The following PLIN4 variants were observed in gnomAD, a reference collection of about 807,000 sequenced individuals.
The protein encoded by PLIN4 is perilipin 4.
Under a neutral mutation model 52.4 loss-of-function variants are expected in PLIN4, and 57 were observed. The ratio of observed to expected loss-of-function variants is 1.09; its 90% CI spans 0.88 to 1.36. The LOEUF (loss-of-function observed/expected upper bound fraction) is 1.36, where lower values mean the gene tolerates loss of function less well. Ranked by LOEUF, PLIN4 falls within the 40% of genes most tolerant of loss-of-function variation. PLIN4 has a pLI of 0.00. For missense variants in PLIN4, 1,757 were observed against 1,770.3 expected, an observed-to-expected ratio of 0.99 and a Z score of 0.13; for synonymous variants, 826 against 785.4, an observed-to-expected ratio of 1.05 and a Z score of -0.86.
chr19:4,509,008 C>T (rs1976191575), intron 5 of PLIN4, 53 bp from the exon 6 acceptor site: 2 of 1,531,180 alleles, frequency 1.3e-6, no homozygotes, highest in East Asian at 2.3e-5. Context: ...GGCATCAGGG[C>T]TTTATAAAAG....
At position 4,512,654 on chromosome 19, in the gene PLIN4, C is replaced by A. The variant is rs536634451; in HGVS notation, c.1306G>T (p.Val436Phe). 6.4e-7 allele frequency: 1 copy of A among 1,570,966 alleles called. No individual in the cohort carries two copies. Among genetic ancestry groups the A allele is most frequent in the Non-Finnish European group, 8.6e-7 (1 of 1,160,852 alleles). Residue 436 changes from valine (V) to phenylalanine (F), a missense_variant, in exon 5 of 8, where the codon GTC becomes TTC. Val to Phe is a conservative substitution (Grantham distance 50). This residue lies in a region of PLIN4 where 439 missense variants were observed against 406.4 expected (regional missense o/e 1.08). Coordinates refer to ENST00000301286, the MANE Select transcript of PLIN4 (RefSeq NM_001367868.2). Reference sequence around the variant, plus strand: ...ATGGCACCAGTCACCCCACTGCAGACGGTGTCCTTTGTACCTGTTGCGATA... The same window carrying A: ...ATGGCACCAGTCACCCCACTGCAGAAGGTGTCCTTTGTACCTGTTGCGATA... ...QNIATGTKDT[V>F]CSGVTGAMNL...
intron 6 of PLIN4, among the ~76,000 whole-genome samples, chr19:4,506,289 G>A (rs371726926): frequency 4.6e-5 from 7 of 152,092 alleles, no homozygotes; most frequent in Non-Finnish European, 7.4e-5. Flanking sequence ...CCAACATGCC[G>A]GGACAGTCCT....
chr19:4,510,718 G>A lies in PLIN4; in HGVS notation c.3242C>T (p.Ala1081Val), dbSNP rs763907231. 6.5e-6 allele frequency: 10 copies of A among 1,539,284 alleles called. No individual in the cohort carries two copies. The highest frequency in any genetic ancestry group is 8.7e-6 in the Non-Finnish European group (10 of 1,144,166). ...RTTDNGGEQTALSPQEAPFSG... is the reference protein window; with the variant it reads ...RTTDNGGEQTVLSPQEAPFSG... Reference sequence around the variant, plus strand: ...GAACGGGGCCTCTTGGGGGCTCAGGGCAGTCTGCTCCCCACCATTGTCTGT... The same window carrying A: ...GAACGGGGCCTCTTGGGGGCTCAGGACAGTCTGCTCCCCACCATTGTCTGT... Residue 1081 changes from alanine to valine, a missense_variant, in exon 5 of 8, where the codon GCC becomes GTC. This residue lies in a region of PLIN4 where 712 missense variants were observed against 637.1 expected (regional missense o/e 1.12). Coordinates refer to ENST00000301286, the MANE Select transcript of PLIN4 (RefSeq NM_001367868.2).
intron 6 of PLIN4, among the ~76,000 whole-genome samples, 165 bp from the exon 7 acceptor site, chr19:4,505,112 A>G: frequency 6.6e-6 from 1 of 152,174 alleles, no homozygotes; most frequent in Non-Finnish European, 1.5e-5. Flanking sequence ...TTGCAGAAAG[A>G]GGCAATAGTT....
In PLIN4 at chr19:4,512,752, A is replaced by T. The variant is rs1333874198; in HGVS notation, c.1208T>A (p.Met403Lys). ...CGCTGCCCCTGTGAGCCCAGTGGAC[A>T]TCGTGTCTTTCGTACCCATGACCAT... ...KSMVMGTKDT[M>K]STGLTGAANV... Residue 403 changes from methionine to lysine, a missense_variant, in exon 5 of 8, where the codon ATG becomes AAG. Transcript: ENST00000301286. 2.6e-6 allele frequency: 4 copies of T among 1,559,938 alleles called. 2 individuals are homozygous for T. The highest frequency in any genetic ancestry group is 4.0e-5 in the African/African-American group (2 of 49,544).
At position 4,517,591 on chromosome 19, in the gene PLIN4, T is replaced by G. The variant is rs1976621106; in HGVS notation, c.159A>C (p.Gly53=). Residue 53 remains glycine, a synonymous_variant, in exon 3 of 8, where the codon GGA becomes GGC. Coordinates refer to ENST00000301286, the MANE Select transcript of PLIN4 (RefSeq NM_001367868.2). ...GTTGGGCAGCCTCGGCAGCAGGCGC[T>G]CCTGTGGGGTCAGCGGCCGGCCGGG... ...ARARPAADPT[G]APAAEAAQPQ... 1 of 1,610,944 alleles carries G rather than the reference T, an allele frequency of 6.2e-7. No homozygotes were observed. The highest frequency in any genetic ancestry group is 1.1e-5 in the South Asian group (1 of 90,890).
rs753375577 is a variant in PLIN4 at position 4,511,339 on chromosome 19, T to G, written c.2621A>C (p.Lys874Thr). 9 of 1,590,574 alleles carry G rather than the reference T, an allele frequency of 5.7e-6. No homozygotes were observed. The South Asian group carries it at 8.9e-5, about 16-fold the overall frequency. The change falls in exon 5 of 8, where the codon AAA (lysine) becomes ACA (threonine). Residue 874 changes from lysine (K) to threonine (T), a missense_variant. Coordinates refer to ENST00000301286, the MANE Select transcript of PLIN4 (RefSeq NM_001367868.2). ...TLGSGVTGAAKVAKGAVQGGL... is the reference protein window; with the variant it reads ...TLGSGVTGAATVAKGAVQGGL... ...CCCCTGGACGGCCCCTTTGGCCACT[T>G]TCGCAGCACCGGTCACCCCACTGCC...
rs566132909 is a variant in PLIN4, at chr19:4,509,125, C to T, written c.3515-170G>A. ...GAGATCGAGACCATCCTGGCTAACA[C>T]GGTGAAACCCCGTCTCTACTAAAAA... On this transcript the variant is annotated intron_variant, in intron 5 of 7. Transcript: ENST00000301286. 3.9e-3 allele frequency among the ~76,000 whole-genome samples: 586 copies of T among 151,344 alleles called. 6 individuals are homozygous for T. The highest frequency in any genetic ancestry group is 0.013 in the African/African-American group (540 of 41,240).
chr19:4,511,640 C>T lies in PLIN4; in HGVS notation c.2320G>A (p.Val774Met), dbSNP rs1362178672. ...DAVSTGLTGAVKLAKGTVQTG... is the reference protein window; with the variant it reads ...DAVSTGLTGAMKLAKGTVQTG... ...TGGACAGTCCCTTTGGCCAACTTCA[C>T]AGCCCCTGTGAGCCCAGTGGACACA... Residue 774 changes from valine (V) to methionine (M), a missense_variant, in exon 5 of 8, where the codon GTG (valine) becomes ATG (methionine). By Grantham distance (21) the Val-to-Met change is conservative. Around this residue, in one of 7 missense-constraint regions of PLIN4, gnomAD observed 96 missense variants for 136.5 expected, o/e 0.70. Transcript: ENST00000301286. 4 of 1,157,698 alleles carry T rather than the reference C, an allele frequency of 3.5e-6. No individual in the cohort carries two copies. The highest frequency in any genetic ancestry group is 3.6e-6 in the Non-Finnish European group (3 of 830,548). The allele number at this position is 1,157,698 out of a possible 1,614,324, so 71.7% of individuals were successfully genotyped here.
chr19:4,507,256 G>C (rs1254647627), intron 6 of PLIN4, among the ~76,000 whole-genome samples: 1 of 152,224 alleles, frequency 6.6e-6, no homozygotes, highest in Non-Finnish European at 1.5e-5. Flanking sequence ...CGCCGGGGTG[G>C]GACTGCTGTC....
intron 6 of PLIN4, among the ~76,000 whole-genome samples, chr19:4,508,210 C>A (rs1384249485): frequency 6.6e-6 from 1 of 152,176 alleles, no homozygotes; most frequent in Non-Finnish European, 1.5e-5. Flanking sequence ...TCCTGCCCAG[C>A]CCACATCCCC....
Position 4,511,141 on chromosome 19 carries a change from T to C in PLIN4, c.2819A>G (p.Asn940Ser). ...TVCSGVTGAV[N>S]VAKGTVQTGV... The stretch of plus-strand genomic sequence containing the variant: ...TGTCTGGACGGTCCCTTTGGCCACA[T>C]TTACGGCACCAGTGACTCCACTGCA... The change falls in exon 5 of 8, where the codon AAT becomes AGT. Residue 940 changes from asparagine to serine, a missense_variant. Transcript: ENST00000301286. 6.2e-7 allele frequency: 1 copy of C among 1,610,408 alleles called. No homozygotes were observed. The highest frequency in any genetic ancestry group is 8.5e-7 in the Non-Finnish European group (1 of 1,177,588).
At position 4,511,375 on chromosome 19, in the gene PLIN4, T is replaced by C. The variant is rs758061696; in HGVS notation, c.2585A>G (p.Lys862Arg). Reference protein sequence around the residue: ...KTTQNIATGTKNTLGSGVTGA... With the variant: ...KTTQNIATGTRNTLGSGVTGA... ...GGTCACCCCACTGCCAAGGGTGTTC[T>C]TTGTACCTGTTGCGATATTTTGGGT... Residue 862 changes from lysine (K) to arginine (R), a missense_variant, in exon 5 of 8, where the codon AAG becomes AGG. Coordinates refer to ENST00000301286, the MANE Select transcript of PLIN4 (RefSeq NM_001367868.2). 1 of 1,576,752 alleles carries C rather than the reference T, an allele frequency of 6.3e-7. No homozygotes were observed. The highest frequency in any genetic ancestry group is 2.3e-5 in the East Asian group (1 of 43,760).
intron 2 of PLIN4, 130 bp downstream of exon 2, chr19:4,518,092 G>T: frequency 1.2e-6 from 1 of 809,428 alleles, no homozygotes; most frequent in Non-Finnish European, 1.7e-6. Context: ...ATGGCTCCCA[G>T]ACCGCCCCCA....
chr19:4,517,477 G>T (rs1047860951), intron 3 of PLIN4, 77 bp downstream of exon 3: 17 of 1,509,174 alleles, frequency 1.1e-5, no homozygotes, highest in Admixed American at 6.2e-5. Context: ...ATGGCTGGAA[G>T]TCCCTGCCCG....
chr19:4,515,584 T>G (rs1976563901), intron 4 of PLIN4, among the ~76,000 whole-genome samples: 1 of 152,106 alleles, frequency 6.6e-6, no homozygotes, highest in African/African-American at 2.4e-5. Flanking sequence ...GCTATTTTAA[T>G]TCAGTAGTTT....
At position 4,513,577 on chromosome 19, in the gene PLIN4, G is replaced by C; in HGVS notation, c.383C>G (p.Thr128Ser). The change falls in exon 5 of 8, where the codon ACT becomes AGT. Residue 128 changes from threonine to serine, a missense_variant. Physicochemically the swap from Thr to Ser is moderately conservative, Grantham distance 58. This residue lies in a region of PLIN4 where 332 missense variants were observed against 310.8 expected (regional missense o/e 1.07). Coordinates refer to ENST00000301286, the MANE Select transcript of PLIN4 (RefSeq NM_001367868.2). ...KGVVQGGLDT[T>S]RSALTGTKEV... is the part of the protein sequence containing the mutation. ...CTTGGTGCCCGTAAGTGCAGACCGA[G>C]TGGTGTCCAGGCCTCCCTGGACCAC... 1 of 1,605,324 alleles carries C rather than the reference G, an allele frequency of 6.2e-7. No individual in the cohort carries two copies. The highest frequency in any genetic ancestry group is 8.5e-7 in the Non-Finnish European group (1 of 1,176,258).
chr19:4,518,134 C>A, intron 2 of PLIN4, 88 bp downstream of exon 2: 1 of 1,123,424 alleles, frequency 8.9e-7, no homozygotes, highest in Non-Finnish European at 1.1e-6. Context: ...TCTCCAGATT[C>A]GAGACCCCAG....
At chr19:4,510,253 C>G (rs1976246453) in intron 5 of PLIN4, among the ~76,000 whole-genome samples, 193 bp downstream of exon 5, 2 of 151,596 alleles carry the variant, frequency 1.3e-5, no homozygotes, top group Non-Finnish European at 2.9e-5. Flanking sequence ...GTAGTCCCAG[C>G]TGTTTGGGAG....
Sources: allele counts gnomAD v4.1 joint callset (sites outside exome capture counted in the v4.1 genomes callset), GRCh38; gene constraint gnomAD v4.1.1; regional missense constraint gnomAD v4.1.1; transcripts MANE v1.5; gene names NCBI Gene and HGNC (gene_info 2026-07-23, HGNC 2026-07-21).